The following RAPGEF3 variants were observed in gnomAD, a reference collection of about 807,000 sequenced individuals.
RAPGEF3 encodes the protein Rap guanine nucleotide exchange factor 3.
A neutral mutation model predicts 129.8 loss-of-function variants in RAPGEF3; 103 were observed. The ratio of observed to expected loss-of-function variants is 0.79; its 90% confidence interval spans 0.68 to 0.93. The LOEUF is 0.93. Ranked by LOEUF, RAPGEF3 falls within the 40% of genes least tolerant of loss-of-function variation. The pLI is 0.00. For missense variants in RAPGEF3, 1,117 were observed against 1,207.4 expected, an observed-to-expected ratio of 0.93 and a Z score of 1.11; for synonymous variants, 436 against 482.6, an observed-to-expected ratio of 0.90 and a Z score of 1.26.
At position 47,738,004 on chromosome 12, in the gene RAPGEF3, C is replaced by T. The variant is rs1592530452; in HGVS notation, c.2653+18G>A. The stretch of plus-strand genomic sequence containing the variant: ...TAAGCACCCCCTCCCTGCCCACCCA[C>T]CATCGCCCACCACTTACATGTGGAA... On this transcript the variant is annotated intron_variant, in intron 27 of 27. Transcript: ENST00000449771. 1 of 1,610,260 alleles carries T rather than the reference C, an allele frequency of 6.2e-7. No homozygotes were observed. Among genetic ancestry groups the T allele is most frequent in the Non-Finnish European group, 8.5e-7 (1 of 1,176,942 alleles).
At chr12:47,739,257 G>T in intron 23 of RAPGEF3, 27 bp from the exon 24 acceptor site, 2 of 1,551,980 alleles carry the variant, frequency 1.3e-6, no homozygotes, top group South Asian at 1.1e-5. Context: ...CACTGAGGGG[G>T]TTGCACACAC....
At position 47,737,932 on chromosome 12, in the gene RAPGEF3, T is replaced by A. The variant is rs1315870528; in HGVS notation, c.2653+90A>T. On this transcript the variant is annotated intron_variant, in intron 27 of 27. Transcript: ENST00000449771. The stretch of plus-strand genomic sequence containing the variant: ...GTATGGAAGGGCCGGGCTCCGTGCC[T>A]GGCACATGGCAAGTGCCTAGGATGT... The A allele has an allele frequency of 4.0e-6, 6 of 1,482,812 alleles. No homozygotes were observed. The African/African-American group carries it at 4.2e-5, about 10-fold the overall frequency. 91.9% of individuals were successfully genotyped at this position (1,482,812 alleles called of 1,614,324 possible).
At chr12:47,758,508 G>T (rs373818402) in intron 1 of RAPGEF3, 43 bp downstream of exon 1, 91 of 1,600,726 alleles carry the variant, frequency 5.7e-5, no homozygotes, top group Middle Eastern at 5.0e-4. Context: ...TTCCTCTCCC[G>T]CCCTCTCCTG....
intron 18 of RAPGEF3, chr12:47,741,874 C>T (rs865834870): frequency 2.0e-6 from 1 of 498,900 alleles, no homozygotes; most frequent in Non-Finnish European, 3.6e-6. Context: ...CACTTTCTTC[C>T]CTGGTAAAAT....
At position 47,747,811 on chromosome 12, in the gene RAPGEF3, G is replaced by A; in HGVS notation, c.1374C>T (p.Val458=). 2.5e-6 allele frequency: 4 copies of A among 1,606,788 alleles called. No homozygotes were observed. Among genetic ancestry groups the A allele is most frequent in the Non-Finnish European group, 3.4e-6 (4 of 1,179,972 alleles). ...GCAAGATCTGCTGCCTCTTGTTGCA[G>A]ACGTAGGTGCTGCGCTCCTGCTCGC... is the stretch of plus-strand genomic sequence containing the variant. The part of the protein sequence containing the change: ...GGSEQERSTY[V]CNKRQQILRL... Residue 458 remains valine (V), a synonymous_variant, in exon 14 of 28, where the codon GTC becomes GTT. Coordinates refer to ENST00000449771, the MANE Select transcript of RAPGEF3 (RefSeq NM_001098531.4).
In RAPGEF3 at chr12:47,751,918, G is replaced by A; in HGVS notation, c.271C>T (p.Gln91Ter). The A allele has an allele frequency of 1.9e-6, 3 of 1,614,164 alleles. No individual in the cohort carries two copies. The South Asian group carries it at 3.3e-5, about 18-fold the overall frequency. Residue 91 changes from glutamine to a stop codon, truncating the protein, a stop_gained and splice_region_variant, in exon 3 of 28, where the codon CAG becomes TAG. Coordinates refer to ENST00000449771, the MANE Select transcript of RAPGEF3 (RefSeq NM_001098531.4). LOFTEE classifies it high-confidence loss of function. ...CTCCACCCTGCCCAGGCTTCTACCTGCTCCAGGCTCTCGCTGAAATCCAGG... is the reference window on the plus strand; with the variant it reads ...CTCCACCCTGCCCAGGCTTCTACCTACTCCAGGCTCTCGCTGAAATCCAGG... Reference protein sequence around the residue: ...ESLDFSESLEQASTERVLRAG... With the variant: ...ESLDFSESLE
chr12:47,748,973 C>G, intron 10 of RAPGEF3, 42 bp from the exon 11 acceptor site: 1 of 1,475,090 alleles, frequency 6.8e-7, no homozygotes, highest in Non-Finnish European at 9.5e-7. Flanking sequence ...CATGATGTTC[C>G]AGCTTTAGAC....
At chr12:47,747,421 G>A (rs757927250) in intron 15 of RAPGEF3, 123 bp downstream of exon 15, 3 of 920,098 alleles carry the variant, frequency 3.3e-6, no homozygotes, top group African/African-American at 1.6e-5. Context: ...ATAAGAACAA[G>A]GAATTGAAGT....
chr12:47,751,668 G>A lies in RAPGEF3; in HGVS notation c.380+55C>T, dbSNP rs552637283. 20 of 1,603,886 alleles carry A rather than the reference G, an allele frequency of 1.2e-5. No individual in the cohort carries two copies. The African/African-American group carries it at 2.4e-4, about 19-fold the overall frequency. On this transcript the variant is annotated intron_variant, in intron 4 of 27. Coordinates refer to ENST00000449771, the MANE Select transcript of RAPGEF3 (RefSeq NM_001098531.4). Reference sequence around the variant, plus strand: ...GAGGCCCAGGTGCCTGACATAAAGTGGAACGGAGAGAAAGCAGTGAGGCTG... The same window carrying A: ...GAGGCCCAGGTGCCTGACATAAAGTAGAACGGAGAGAAAGCAGTGAGGCTG...
At chr12:47,752,139 C>T (rs1009372280) in intron 2 of RAPGEF3, among the ~76,000 whole-genome samples, 170 bp from the exon 3 acceptor site, 4 of 152,154 alleles carry the variant, frequency 2.6e-5, no homozygotes, top group African/African-American at 9.7e-5. Flanking sequence ...CCCTGTGCCC[C>T]GGGCATCGCC....
In RAPGEF3 at chr12:47,758,008, G is replaced by A. The variant is rs988971356; in HGVS notation, c.77C>T (p.Pro26Leu). The change falls in exon 2 of 28, where the codon CCG becomes CTG. Residue 26 changes from proline to leucine, a missense_variant. By Grantham distance (98) the Pro-to-Leu change is moderately conservative. Around this residue, in one of 3 missense-constraint regions of RAPGEF3, gnomAD observed 367 missense variants for 373.4 expected, o/e 0.98. Coordinates refer to ENST00000449771, the MANE Select transcript of RAPGEF3 (RefSeq NM_001098531.4). The stretch of plus-strand genomic sequence containing the variant: ...CACGTCAGGGAGGGCTCCCACCCGC[G>A]GTGCTCCCAGAGCTGGGCTATCCTC... ...AVEDSPALGA[P>L]RVGALPDVVP... is the part of the protein sequence containing the mutation. 5 of 1,574,610 alleles carry A rather than the reference G, an allele frequency of 3.2e-6. No homozygotes were observed. Among genetic ancestry groups the A allele is most frequent in the East Asian group, 4.7e-5 (2 of 42,842 alleles).
In RAPGEF3 at chr12:47,740,717, G is replaced by A. The variant is rs1412617978; in HGVS notation, c.2156C>T (p.Ala719Val). The A allele has an allele frequency of 4.3e-6, 7 of 1,613,960 alleles. No individual in the cohort carries two copies. The highest frequency in any genetic ancestry group is 5.9e-6 in the Non-Finnish European group (7 of 1,179,982). ...RRFNELQYWV[A>V]TELCLCPVPG... ...CACGGGGCAGAGACACAGCTCGGTG[G>A]CCACCCAGTACTGCAGCTCATTGAA... is the stretch of plus-strand genomic sequence containing the variant. The change falls in exon 21 of 28, where the codon GCC (alanine) becomes GTC (valine). Residue 719 changes from alanine to valine, a missense_variant. Physicochemically the swap from Ala to Val is moderately conservative, Grantham distance 64. Transcript: ENST00000449771.
At chr12:47,741,959 A>T (rs1458984583) in intron 18 of RAPGEF3, 1 of 258,990 alleles carries the variant, frequency 3.9e-6, no homozygotes, top group Non-Finnish European at 7.7e-6. Context: ...CTATAAGTAC[A>T]TGCTATGTAT....
chr12:47,749,589 C>G lies in RAPGEF3; in HGVS notation c.895-53G>C. On this transcript the variant is annotated intron_variant, in intron 9 of 27. Coordinates refer to ENST00000449771, the MANE Select transcript of RAPGEF3 (RefSeq NM_001098531.4). The surrounding 1 kb of genome is among the most constrained non-coding windows in gnomAD (Gnocchi z 4.5). The stretch of plus-strand genomic sequence containing the variant: ...CCCCTGCCGCCCCTGCCGCCCCCAG[C>G]TCTTGCCAGGACAGACCCACGGCAG... The G allele has an allele frequency of 6.4e-7, 1 of 1,558,774 alleles. No individual in the cohort carries two copies. Among genetic ancestry groups the G allele is most frequent in the Non-Finnish European group, 8.7e-7 (1 of 1,154,342 alleles).
Position 47,740,597 on chromosome 12 carries a change from C to T in RAPGEF3, c.2231+45G>A, listed in dbSNP as rs764613586. On this transcript the variant is annotated intron_variant, in intron 21 of 27. Transcript: ENST00000449771. ...AAGAGGGGGGCTTAGGAAAAGGTAGCCGGGGGGACTCTGGCCACGCCCTAC... is the reference window on the plus strand; with the variant it reads ...AAGAGGGGGGCTTAGGAAAAGGTAGTCGGGGGGACTCTGGCCACGCCCTAC... 6.4e-6 allele frequency: 10 copies of T among 1,554,252 alleles called. No homozygotes were observed. In the South Asian group the frequency reaches 1.1e-4, roughly 18 times the overall value.
chr12:47,743,147 T>C (rs1941252052), intron 18 of RAPGEF3, among the ~76,000 whole-genome samples: 1 of 152,268 alleles, frequency 6.6e-6, no homozygotes, highest in African/African-American at 2.4e-5. Context: ...TATCACTATG[T>C]GCCGGGCACC....
chr12:47,740,190 C>G lies in RAPGEF3; in HGVS notation c.2324G>C (p.Arg775Pro). The G allele has an allele frequency of 2.5e-6, 4 of 1,613,776 alleles. No individual in the cohort carries two copies. Among genetic ancestry groups the G allele is most frequent in the Non-Finnish European group, 3.4e-6 (4 of 1,179,936 alleles). ...CAGCTTCCGGACTTTGTGAGGCAGCCGCTGTGAAAAGGAGGCAGATGAGCG... is the reference window on the plus strand; with the variant it reads ...CAGCTTCCGGACTTTGTGAGGCAGCGGCTGTGAAAAGGAGGCAGATGAGCG... ...AISRLAHTWE[R>P]LPHKVRKLYS... The change falls in exon 23 of 28, where the codon CGG becomes CCG. Residue 775 changes from arginine (R) to proline (P), a missense_variant and splice_region_variant. This residue lies in a region of RAPGEF3 where 643 missense variants were observed against 673.4 expected (regional missense o/e 0.95). Transcript: ENST00000449771.
chr12:47,747,567 C>A lies in RAPGEF3; in HGVS notation c.1533G>T (p.Trp511Cys). The A allele has an allele frequency of 3.1e-6, 5 of 1,614,052 alleles. No homozygotes were observed. Among genetic ancestry groups the A allele is most frequent in the Non-Finnish European group, 4.2e-6 (5 of 1,179,908 alleles). ...ACCTGTGGCATCGCCGCCTCTCTGG[C>A]CACTGCTCCCTCAGCAGGTTGCTGA... ...TRLSNLLREQ[W>C]PERRRCHRLE... Residue 511 changes from tryptophan (W) to cysteine (C), a missense_variant, in exon 15 of 28, where the codon TGG (tryptophan) becomes TGT (cysteine). This residue lies in a region of RAPGEF3 where 643 missense variants were observed against 673.4 expected (regional missense o/e 0.95). Transcript: ENST00000449771.
chr12:47,743,583 T>G lies in RAPGEF3; in HGVS notation c.1772A>C (p.Gln591Pro). 1 of 1,614,208 alleles carries G rather than the reference T, an allele frequency of 6.2e-7. No homozygotes were observed. The highest frequency in any genetic ancestry group is 8.5e-7 in the Non-Finnish European group (1 of 1,180,020). Residue 591 changes from glutamine to proline, a missense_variant, in exon 18 of 28, where the codon CAG becomes CCG. Gln to Pro is a moderately conservative substitution (Grantham distance 76, BLOSUM62 -1). Around this residue, in one of 3 missense-constraint regions of RAPGEF3, gnomAD observed 643 missense variants for 673.4 expected, o/e 0.95. Coordinates refer to ENST00000449771, the MANE Select transcript of RAPGEF3 (RefSeq NM_001098531.4). Reference sequence around the variant, plus strand: ...CTGCCCCTTGGTCCAGCCATCCTCCTGGGCCAACGCTGCCATCACCTCTCT... The same window carrying G: ...CTGCCCCTTGGTCCAGCCATCCTCCGGGGCCAACGCTGCCATCACCTCTCT... ...SVREVMAALA[Q>P]EDGWTKGQVL...
Sources: gnomAD v4.1 joint callset for allele counts (sites outside exome capture counted in the v4.1 genomes callset) on GRCh38, gnomAD v4.1.1 for gene constraint, gnomAD v4.1.1 regional missense constraint, Gnocchi (gnomAD v3.1) non-coding constraint, MANE v1.5 for transcripts, NCBI Gene and HGNC (gene_info 2026-07-23, HGNC 2026-07-21) for gene names.